MYRIP: variants seen among roughly 807,000 people sequenced by gnomAD.
MYRIP encodes the protein myosin VIIA and Rab interacting protein, also known as rab effector MyRIP.
MYRIP carries 49 observed loss-of-function variants against 98.0 expected under a neutral mutation model. The observed-to-expected ratio is 0.50, with a 90% CI of 0.40 to 0.63. The LOEUF is 0.63. Ranked by LOEUF, MYRIP falls within the 30% of genes least tolerant of loss-of-function variation. MYRIP has a pLI of 0.00. For missense variants in MYRIP, 1,004 were observed against 1,058.2 expected, an observed-to-expected ratio of 0.95 and a Z score of 0.71; for synonymous variants, 404 against 409.5, an observed-to-expected ratio of 0.99 and a Z score of 0.16.
chr3:39,898,693 T>C (rs2125668844), intron 1 of MYRIP, among the ~76,000 whole-genome samples: 1 of 152,318 alleles, frequency 6.6e-6, no homozygotes, highest in African/African-American at 2.4e-5. Flanking sequence ...TGGTAGTGAC[T>C]GTCAATAGGA....
chr3:40,001,765 A>G (rs1305680158), intron 2 of MYRIP, among the ~76,000 whole-genome samples: 1 of 152,192 alleles, frequency 6.6e-6, no homozygotes. Flanking sequence ...CAAAACTAGA[A>G]TGGACCAGGG....
intron 3 of MYRIP, among the ~76,000 whole-genome samples, chr3:40,128,182 G>A (rs897078909): frequency 1.3e-5 from 2 of 152,162 alleles, no homozygotes; most frequent in Non-Finnish European, 2.9e-5. Context: ...AACAAGACAT[G>A]GAGTTTTAAT....
chr3:39,853,262 G>T (rs1371327697), intron 1 of MYRIP, among the ~76,000 whole-genome samples: 1 of 152,074 alleles, frequency 6.6e-6, no homozygotes, highest in Non-Finnish European at 1.5e-5. Flanking sequence ...TTTCCTCTGG[G>T]TAAATACCCA....
chr3:39,833,855 T>C (rs1941545270), intron 1 of MYRIP, among the ~76,000 whole-genome samples: 1 of 152,126 alleles, frequency 6.6e-6, no homozygotes, highest in Non-Finnish European at 1.5e-5. Flanking sequence ...ACCCCATCTC[T>C]ACTAAAAATA....
chr3:40,135,238 A>G (rs982177558), intron 3 of MYRIP, among the ~76,000 whole-genome samples: 2 of 152,248 alleles, frequency 1.3e-5, no homozygotes, highest in South Asian at 4.1e-4. Flanking sequence ...TGACAAATGC[A>G]CAAGCCTCAG....
At chr3:39,921,314 T>TGTGACAGTA (rs1269676109) in intron 2 of MYRIP, among the ~76,000 whole-genome samples, 4 of 152,192 alleles carry the variant, frequency 2.6e-5, no homozygotes, top group Non-Finnish European at 2.9e-5. Context: ...TTTCCACAAT[T>TGTGACAGTA]GTGACAGTAG....
At chr3:40,200,456 G>A (rs1951525211) in intron 10 of MYRIP, among the ~76,000 whole-genome samples, 1 of 152,048 alleles carries the variant, frequency 6.6e-6, no homozygotes, top group South Asian at 2.1e-4. Context: ...GGGGAGTATT[G>A]GGAGCCTGTC....
At chr3:40,201,819 T>G (rs1171020388) in intron 10 of MYRIP, among the ~76,000 whole-genome samples, 1 of 152,202 alleles carries the variant, frequency 6.6e-6, no homozygotes, top group Non-Finnish European at 1.5e-5. Context: ...AAATGCCTTA[T>G]TCACAGCATG....
chr3:39,996,117 G>A (rs887851896), intron 2 of MYRIP, among the ~76,000 whole-genome samples: 4 of 152,168 alleles, frequency 2.6e-5, no homozygotes, highest in African/African-American at 9.6e-5. Flanking sequence ...GGAAGGAACT[G>A]CATCAACTAA....
At chr3:40,222,928 C>T (rs1014435376) in intron 11 of MYRIP, among the ~76,000 whole-genome samples, 17 of 152,184 alleles carry the variant, frequency 1.1e-4, no homozygotes, top group African/African-American at 4.1e-4. Context: ...CTGAGATTTA[C>T]GGTGGAACTT....
intron 2 of MYRIP, among the ~76,000 whole-genome samples, chr3:39,982,455 A>G (rs11714106): frequency 0.28 from 41,860 of 152,076 alleles, 6,424 homozygotes; most frequent in Non-Finnish European, 0.35. Context: ...GGAAATTACC[A>G]AATGAACCAC....
At chr3:40,028,870 A>G (rs1248292065) in intron 2 of MYRIP, among the ~76,000 whole-genome samples, 1 of 152,174 alleles carries the variant, frequency 6.6e-6, no homozygotes, top group Non-Finnish European at 1.5e-5. Flanking sequence ...GGTCTGAAGA[A>G]TGGCAACCCA....
chr3:40,111,261 C>T (rs557694435), intron 3 of MYRIP, among the ~76,000 whole-genome samples: 5 of 152,184 alleles, frequency 3.3e-5, no homozygotes, highest in Admixed American at 6.5e-5. Flanking sequence ...TTGGTAGCTT[C>T]GAGACCAGAT....
At chr3:40,255,208 T>A (rs908768025) in intron 16 of MYRIP, among the ~76,000 whole-genome samples, 10 of 152,118 alleles carry the variant, frequency 6.6e-5, no homozygotes, top group African/African-American at 2.2e-4. Context: ...AAGGAATTGG[T>A]TACAAATAAG....
intron 1 of MYRIP, among the ~76,000 whole-genome samples, chr3:39,861,016 C>T (rs867384496): frequency 1.3e-5 from 2 of 152,352 alleles, no homozygotes; most frequent in Middle Eastern, 3.4e-3. Context: ...TGCACTGCTG[C>T]TGCTGGCACA....
chr3:39,994,999 A>G (rs1461121778), intron 2 of MYRIP, among the ~76,000 whole-genome samples: 1 of 152,146 alleles, frequency 6.6e-6, no homozygotes, highest in African/African-American at 2.4e-5. Flanking sequence ...AAGGAAAACT[A>G]AAAAACAGAA....
chr3:40,250,543 G>A (rs1378464576), intron 15 of MYRIP, 44 bp downstream of exon 15: 1 of 1,604,010 alleles, frequency 6.2e-7, no homozygotes. Context: ...AATTAAGCCT[G>A]AATCATTTAC....
At chr3:39,881,774 A>G (rs1943160909) in intron 1 of MYRIP, among the ~76,000 whole-genome samples, 1 of 152,082 alleles carries the variant, frequency 6.6e-6, no homozygotes, top group African/African-American at 2.4e-5. Flanking sequence ...ACAAATAGCC[A>G]TTATCTTGTT....
chr3:39,927,691 CAA>C (rs1944447318), intron 2 of MYRIP, among the ~76,000 whole-genome samples: 1 of 151,910 alleles, frequency 6.6e-6, no homozygotes, highest in African/African-American at 2.4e-5. Context: ...ACTCATTCTG[CAA>C]AGTCAGCATC....
Sources: gnomAD v4.1 joint callset for allele counts (sites outside exome capture counted in the v4.1 genomes callset) on GRCh38, gnomAD v4.1.1 for gene constraint, MANE v1.5 for transcripts, NCBI Gene and HGNC (gene_info 2026-07-23, HGNC 2026-07-21) for gene names.